The following LAIR2 variants were observed in gnomAD, a reference collection of about 807,000 sequenced individuals.
LAIR2 encodes the protein leukocyte associated immunoglobulin like receptor 2, also known as leukocyte-associated immunoglobulin-like receptor 2.
Under a neutral mutation model 14.8 loss-of-function variants are expected in LAIR2, and 14 were observed. The observed-to-expected ratio is 0.95, with a 90% confidence interval of 0.62 to 1.48. The LOEUF (loss-of-function observed/expected upper bound fraction) is 1.48, where lower values mean the gene tolerates loss of function less well. LAIR2 is among the 40% of genes most tolerant of loss of function. LAIR2 has a pLI of 0.00. For missense variants in LAIR2, 172 were observed against 180.9 expected (o/e 0.95, Z 0.28); for synonymous variants, 75 against 74.5 (o/e 1.01, Z -0.03).
intron 4 of LAIR2, among the ~76,000 whole-genome samples, chr19:54,510,163 C>T (rs1337374230): frequency 6.9e-6 from 1 of 144,132 alleles, no homozygotes; most frequent in African/African-American, 2.7e-5. Flanking sequence ...CTTCTGTCTG[C>T]GGGAATATCT....
At position 54,507,905 on chromosome 19, in the gene LAIR2, C is replaced by A. The variant is rs776627816; in HGVS notation, c.85C>A (p.Pro29Thr). 2.5e-6 allele frequency: 4 copies of A among 1,613,998 alleles called. No homozygotes were observed. In the Admixed American group the frequency reaches 5.0e-5, roughly 20 times the overall value. The change falls in exon 3 of 5, where the codon CCC becomes ACC. Residue 29 changes from proline (P) to threonine (T), a missense_variant. Coordinates refer to ENST00000301202, the MANE Select transcript of LAIR2 (RefSeq NM_002288.6). ...TTCCCTCTTAGGGGCCCTTCCCAGA[C>A]CCTCCATCTCGGCTGAGCCAGGCAC... ...IHTQEGALPR[P>T]SISAEPGTVI...
In LAIR2 at chr19:54,508,092, T is replaced by C. The variant is rs1200185054; in HGVS notation, c.272T>C (p.Val91Ala). The change falls in exon 3 of 5, where the codon GTA becomes GCA. Residue 91 changes from valine (V) to alanine (A), a missense_variant. Physicochemically the swap from Val to Ala is moderately conservative, Grantham distance 64. Coordinates refer to ENST00000301202, the MANE Select transcript of LAIR2 (RefSeq NM_002288.6). Reference protein sequence around the residue: ...ESEARFHIDSVSEGNAGLYRC... With the variant: ...ESEARFHIDSASEGNAGLYRC... ...GAGGCCAGATTCCACATTGACTCAG[T>C]AAGTGAAGGAAATGCCGGGCTTTAT... 1.2e-6 allele frequency: 2 copies of C among 1,614,024 alleles called. No individual in the cohort carries two copies. Among genetic ancestry groups the C allele is most frequent in the Non-Finnish European group, 1.7e-6 (2 of 1,179,992 alleles).
intron 1 of LAIR2, 70 bp from the exon 2 acceptor site, chr19:54,503,630 C>G (rs571325927): frequency 6.2e-7 from 1 of 1,605,382 alleles, no homozygotes; most frequent in East Asian, 2.2e-5. Context: ...TCCGTCAAGC[C>G]CCCTTTTGAC....
At chr19:54,503,804 G>C (rs2085318638) in intron 2 of LAIR2, 69 bp downstream of exon 2, 6 of 1,606,518 alleles carry the variant, frequency 3.7e-6, no homozygotes, top group Non-Finnish European at 5.1e-6. Context: ...GGGTGGGAGT[G>C]ATGTTGATTC....
At chr19:54,510,213 C>T (rs1568450788) in intron 4 of LAIR2, among the ~76,000 whole-genome samples, 1 of 144,318 alleles carries the variant, frequency 6.9e-6, no homozygotes, top group Middle Eastern at 3.5e-3. Flanking sequence ...CCTTCCTTCT[C>T]TCTTCTCTCA....
At chr19:54,505,587 A>G (rs1366597442) in intron 2 of LAIR2, among the ~76,000 whole-genome samples, 1 of 152,028 alleles carries the variant, frequency 6.6e-6, no homozygotes, top group African/African-American at 2.4e-5. Flanking sequence ...TGCATTCAAA[A>G]ATTTTCATTT....
At chr19:54,507,132 C>G (rs563880027) in intron 2 of LAIR2, among the ~76,000 whole-genome samples, 1 of 151,288 alleles carries the variant, frequency 6.6e-6, no homozygotes, top group Non-Finnish European at 1.5e-5. Flanking sequence ...AGGGATTTTG[C>G]TAATTTTGAC....
chr19:54,506,804 T>C (rs2085372273), intron 2 of LAIR2, among the ~76,000 whole-genome samples: 1 of 152,216 alleles, frequency 6.6e-6, no homozygotes, highest in African/African-American at 2.4e-5. Context: ...GGGGAGATGC[T>C]GGTCAAAGGA....
chr19:54,503,191 G>C (rs1223508022), intron 1 of LAIR2, among the ~76,000 whole-genome samples: 1 of 151,606 alleles, frequency 6.6e-6, no homozygotes, highest in African/African-American at 2.4e-5. Context: ...GCCAGGCGCG[G>C]TGCTCACACC....
Position 54,508,585 on chromosome 19 carries a change from C to T in LAIR2, c.364+401C>T, listed in dbSNP as rs559232205. The stretch of plus-strand genomic sequence containing the variant: ...CCACTGAGCCAGAACCTGCCCCAGG[C>T]AATGTGCTTCTCCTGGTGTGGTTCA... On this transcript the variant is annotated intron_variant, in intron 3 of 4. Coordinates refer to ENST00000301202, the MANE Select transcript of LAIR2 (RefSeq NM_002288.6). 7.2e-5 allele frequency among the ~76,000 whole-genome samples: 11 copies of T among 152,362 alleles called. No homozygotes were observed. In the East Asian group the frequency reaches 2.1e-3, roughly 29 times the overall value.
At chr19:54,505,640 C>A (rs576926890) in intron 2 of LAIR2, among the ~76,000 whole-genome samples, 1 of 152,146 alleles carries the variant, frequency 6.6e-6, no homozygotes, top group South Asian at 2.1e-4. Flanking sequence ...AGAGCCCTTC[C>A]CCTGTTTATC....
intron 2 of LAIR2, among the ~76,000 whole-genome samples, 159 bp downstream of exon 2, chr19:54,503,894 C>T (rs2085320240): frequency 6.6e-6 from 1 of 152,066 alleles, no homozygotes; most frequent in Non-Finnish European, 1.5e-5. Flanking sequence ...ACCCTCACCC[C>T]TTTCTCTCCT....
chr19:54,507,531 C>T (rs566001039), intron 2 of LAIR2, among the ~76,000 whole-genome samples: 1 of 152,082 alleles, frequency 6.6e-6, no homozygotes, highest in African/African-American at 2.4e-5. Context: ...ATGACCCTGT[C>T]ATCCCCATCG....
rs1333369643 is a variant in LAIR2 at position 54,502,852 on chromosome 19, G to T, written c.-67G>T. 7 of 1,601,874 alleles carry T rather than the reference G, an allele frequency of 4.4e-6. No homozygotes were observed. The highest frequency in any genetic ancestry group is 4.5e-5 in the East Asian group (2 of 44,802). ...AGGCAGTTGCTGTGGAAGCCCCACG[G>T]GCAGGAGGCCCCCGGCCAGCACATC... On this transcript the variant is annotated 5_prime_UTR_variant, in exon 1 of 5. Coordinates refer to ENST00000301202, the MANE Select transcript of LAIR2 (RefSeq NM_002288.6).
intron 1 of LAIR2, 98 bp from the exon 2 acceptor site, chr19:54,503,602 T>C (rs1189138059): frequency 1.2e-5 from 18 of 1,468,790 alleles, no homozygotes; most frequent in Non-Finnish European, 1.6e-5. Flanking sequence ...CGTTATGAAA[T>C]GCTGAATGCC....
chr19:54,508,589 G>T (rs1014490792), intron 3 of LAIR2, among the ~76,000 whole-genome samples: 4 of 152,230 alleles, frequency 2.6e-5, no homozygotes, highest in African/African-American at 9.6e-5. Context: ...CCCAGGCAAT[G>T]TGCTTCTCCT....
intron 2 of LAIR2, among the ~76,000 whole-genome samples, chr19:54,503,989 A>C (rs911937465): frequency 6.6e-6 from 1 of 151,832 alleles, no homozygotes; most frequent in African/African-American, 2.4e-5. Context: ...ATGGAGTCTC[A>C]CTCCATCACC....
Position 54,507,951 on chromosome 19 carries a change from A to T in LAIR2, c.131A>T (p.His44Leu). Reference sequence around the variant, plus strand: ...GGCACTGTGATCTCCCCGGGGAGCCATGTGACTTTCATGTGCCGGGGCCCG... The same window carrying T: ...GGCACTGTGATCTCCCCGGGGAGCCTTGTGACTTTCATGTGCCGGGGCCCG... ...EPGTVISPGS[H>L]VTFMCRGPVG... is the part of the protein sequence containing the mutation. The change falls in exon 3 of 5, where the codon CAT becomes CTT. Residue 44 changes from histidine to leucine, a missense_variant. Physicochemically the swap from His to Leu is moderately conservative, Grantham distance 99 (BLOSUM62 -3). This residue lies in a region of LAIR2 where 161 missense variants were observed against 149.0 expected (regional missense o/e 1.08). Coordinates refer to ENST00000301202, the MANE Select transcript of LAIR2 (RefSeq NM_002288.6). 1 of 1,614,052 alleles carries T rather than the reference A, an allele frequency of 6.2e-7. No individual in the cohort carries two copies. The highest frequency in any genetic ancestry group is 1.3e-5 in the African/African-American group (1 of 74,974).
Position 54,502,992 on chromosome 19 carries a change from C to T in LAIR2, c.34+40C>T, listed in dbSNP as rs755550361. On this transcript the variant is annotated intron_variant, in intron 1 of 4. Transcript: ENST00000301202. Reference sequence around the variant, plus strand: ...GAGCGGGAAGGACTGGAAAGGGGGTCGGGAGGTCTGGAAAGTTCCCTGCTC... The same window carrying T: ...GAGCGGGAAGGACTGGAAAGGGGGTTGGGAGGTCTGGAAAGTTCCCTGCTC... The T allele has an allele frequency of 3.6e-5, 57 of 1,588,994 alleles. 1 individual carries two copies. The highest frequency in any genetic ancestry group is 4.4e-5 in the Non-Finnish European group (51 of 1,164,370).
Sources: gnomAD v4.1 joint callset for allele counts (sites outside exome capture counted in the v4.1 genomes callset) on GRCh38, gnomAD v4.1.1 for gene constraint, gnomAD v4.1.1 regional missense constraint, MANE v1.5 for transcripts, NCBI Gene and HGNC (gene_info 2026-07-23, HGNC 2026-07-21) for gene names.